Variants in DNAJC3 observed in about 807,000 individuals in gnomAD.
The protein encoded by DNAJC3 is dnaJ homolog subfamily C member 3.
A neutral mutation model predicts 68.6 loss-of-function variants in DNAJC3; 38 were observed. That is an observed-to-expected ratio of 0.55 (90% CI 0.43 to 0.73). The LOEUF is 0.73. Ranked by LOEUF, DNAJC3 falls within the 30% of genes least tolerant of loss-of-function variation. The pLI, the probability that DNAJC3 is intolerant of heterozygous loss-of-function variation, is 0.00. For synonymous variants in DNAJC3, 203 were observed against 204.0 expected (o/e 1.00, Z 0.04); for missense variants, 526 against 591.9 (o/e 0.89, Z 1.16).
At chr13:95,706,532 TC>T (rs1880754556) in intron 1 of DNAJC3, among the ~76,000 whole-genome samples, 1 of 152,216 alleles carries the variant, frequency 6.6e-6, no homozygotes, top group Non-Finnish European at 1.5e-5. Context: ...CTGGAGCCTG[TC>T]AAAATTTGAC....
At chr13:95,734,819 T>G (rs2139651671) in intron 4 of DNAJC3, among the ~76,000 whole-genome samples, 1 of 151,532 alleles carries the variant, frequency 6.6e-6, no homozygotes, top group African/African-American at 2.4e-5. Flanking sequence ...TGAAGCTCTT[T>G]TTTTTTTTTT....
chr13:95,703,351 T>G (rs2139619141), intron 1 of DNAJC3, among the ~76,000 whole-genome samples: 1 of 152,328 alleles, frequency 6.6e-6, no homozygotes, highest in South Asian at 2.1e-4. Context: ...TGACAGTACT[T>G]CAGTACTATG....
chr13:95,790,346 T>C (rs1001007436), intron 11 of DNAJC3, among the ~76,000 whole-genome samples: 4 of 152,090 alleles, frequency 2.6e-5, no homozygotes, highest in African/African-American at 9.7e-5. Flanking sequence ...GGCCCCGCTG[T>C]GGGGGCACCA....
intron 9 of DNAJC3, among the ~76,000 whole-genome samples, chr13:95,765,014 C>A (rs1374129376): frequency 1.3e-5 from 2 of 151,890 alleles, no homozygotes; most frequent in Non-Finnish European, 2.9e-5. Flanking sequence ...CCCTGCTTTC[C>A]TCAATTAGAA....
intron 9 of DNAJC3, among the ~76,000 whole-genome samples, chr13:95,775,489 A>C (rs1883268565): frequency 6.6e-6 from 1 of 152,132 alleles, no homozygotes; most frequent in Non-Finnish European, 1.5e-5. Context: ...AATAAGTTTT[A>C]ATATACCCAA....
chr13:95,787,691 A>AT (rs1055580537), intron 11 of DNAJC3, among the ~76,000 whole-genome samples: 3 of 145,698 alleles, frequency 2.1e-5, no homozygotes, highest in Non-Finnish European at 4.5e-5. Context: ...TTTAATTTTT[A>AT]TTTTTTGTAG....
chr13:95,704,852 T>TTTTTTTG (rs1880684197), intron 1 of DNAJC3, among the ~76,000 whole-genome samples: 3 of 121,474 alleles, frequency 2.5e-5, no homozygotes, highest in African/African-American at 1.2e-4. Context: ...TGTGTGTGTG[T>TTTTTTTG]TTTTTTTTTT....
chr13:95,736,728 A>G (rs1248948772), intron 4 of DNAJC3, among the ~76,000 whole-genome samples: 2,024 of 147,078 alleles, frequency 0.014, 38 homozygotes, highest in African/African-American at 0.048. Flanking sequence ...GGGCTGAGAC[A>G]ATGGGGTTTT....
At chr13:95,755,858 G>C (rs1351255462) in intron 4 of DNAJC3, among the ~76,000 whole-genome samples, 2 of 149,824 alleles carry the variant, frequency 1.3e-5, no homozygotes, top group Non-Finnish European at 2.9e-5. Context: ...GGCTTCTAAG[G>C]AAGCCCCTCG....
rs1883768944 is a variant in DNAJC3, at chr13:95,791,374, A to G, written c.*344A>G. On this transcript the variant is annotated 3_prime_UTR_variant, in exon 12 of 12. Coordinates refer to ENST00000602402, the MANE Select transcript of DNAJC3 (RefSeq NM_006260.5). The stretch of plus-strand genomic sequence containing the variant: ...GAGATTCTTCTCTTCACAGCCTTGC[A>G]GAGTAAGTCAGTGCCTACAAGTGTA... 6.8e-6 allele frequency: 2 copies of G among 293,288 alleles called. No homozygotes were observed. Among genetic ancestry groups the G allele is most frequent in the Non-Finnish European group, 1.3e-5 (2 of 154,858 alleles). The allele number at this position is 293,288 out of a possible 1,614,324, so 18.2% of individuals were successfully genotyped here. A position where few individuals can be genotyped will look rare whatever the true frequency, so the allele number is the denominator to read the frequency against.
chr13:95,687,216 A>G (rs1880095635), intron 1 of DNAJC3, among the ~76,000 whole-genome samples: 1 of 152,116 alleles, frequency 6.6e-6, no homozygotes, highest in South Asian at 2.1e-4. Flanking sequence ...TTTTTATACC[A>G]TGGTTTTGTA....
chr13:95,764,263 G>T (rs1594014251), intron 9 of DNAJC3, among the ~76,000 whole-genome samples: 1 of 151,598 alleles, frequency 6.6e-6, no homozygotes, highest in East Asian at 1.9e-4. Flanking sequence ...TTATCCGGAA[G>T]TAATCACTGT....
At chr13:95,681,611 C>A (rs1475600875) in intron 1 of DNAJC3, among the ~76,000 whole-genome samples, 2 of 152,200 alleles carry the variant, frequency 1.3e-5, no homozygotes, top group Non-Finnish European at 2.9e-5. Flanking sequence ...CCCTTGGCCT[C>A]CCAAAGTGTT....
At position 95,677,322 on chromosome 13, in the gene DNAJC3, G is replaced by T; in HGVS notation, c.67G>T (p.Asp23Tyr). Residue 23 changes from aspartate to tyrosine, a missense_variant, in exon 1 of 12, where the codon GAT becomes TAT. Coordinates refer to ENST00000602402, the MANE Select transcript of DNAJC3 (RefSeq NM_006260.5). ...ATTCCCCTTCCTGCTAGTCCTGGTG[G>T]ATCTGCAGTACGAAGGTGAGTCCTG... is the stretch of plus-strand genomic sequence containing the variant. ...SVFPFLLVLV[D>Y]LQYEGAECGV... 1 of 1,598,998 alleles carries T rather than the reference G, an allele frequency of 6.3e-7. No individual in the cohort carries two copies. Among genetic ancestry groups the T allele is most frequent in the African/African-American group, 1.4e-5 (1 of 72,580 alleles).
chr13:95,757,723 G>A lies in DNAJC3; in HGVS notation c.473G>A (p.Arg158His), dbSNP rs144088123. 1.8e-4 allele frequency: 280 copies of A among 1,583,420 alleles called. No individual in the cohort carries two copies. The highest frequency in any genetic ancestry group is 1.4e-3 in the African/African-American group (105 of 74,722). ...LIKSDEMQRL[R>H]SQALNAFGSG... ...AAATCTGATGAAATGCAGCGTTTGC[G>A]TTCACAAGCACTTAACGCTTTTGGA... Residue 158 changes from arginine to histidine, a missense_variant, in exon 5 of 12, where the codon CGT (arginine) becomes CAT (histidine). Arg to His is a conservative substitution (Grantham distance 29, BLOSUM62 0). Coordinates refer to ENST00000602402, the MANE Select transcript of DNAJC3 (RefSeq NM_006260.5).
At chr13:95,736,886 C>A (rs1390309521) in intron 4 of DNAJC3, among the ~76,000 whole-genome samples, 1 of 149,022 alleles carries the variant, frequency 6.7e-6, no homozygotes, top group Non-Finnish European at 1.5e-5. Flanking sequence ...AGAGGGCATC[C>A]CTGTCTTGTG....
At chr13:95,742,293 G>A (rs966873788) in intron 4 of DNAJC3, among the ~76,000 whole-genome samples, 4 of 152,222 alleles carry the variant, frequency 2.6e-5, no homozygotes, top group African/African-American at 4.8e-5. Flanking sequence ...TGGATGTGGA[G>A]ATGCAGAAAC....
chr13:95,701,823 G>A (rs1257980835), intron 1 of DNAJC3, among the ~76,000 whole-genome samples: 1 of 152,122 alleles, frequency 6.6e-6, no homozygotes, highest in Non-Finnish European at 1.5e-5. Context: ...GCTTTAACTT[G>A]TGCCCTCACA....
At chr13:95,696,123 T>C (rs889179516) in intron 1 of DNAJC3, among the ~76,000 whole-genome samples, 1 of 152,218 alleles carries the variant, frequency 6.6e-6, no homozygotes, top group African/African-American at 2.4e-5. Context: ...TACACTCACA[T>C]GACGAAACTC....
Sources: gnomAD v4.1 joint callset for allele counts (sites outside exome capture counted in the v4.1 genomes callset) on GRCh38, gnomAD v4.1.1 for gene constraint, MANE v1.5 for transcripts, NCBI Gene and HGNC (gene_info 2026-07-23, HGNC 2026-07-21) for gene names.